RASSF3: variants seen among roughly 807,000 people sequenced by gnomAD.
RASSF3 encodes the protein Ras association domain family member 3, also known as ras association domain-containing protein 3.
A neutral mutation model predicts 19.9 loss-of-function variants in RASSF3; 19 were observed. That is an observed-to-expected ratio of 0.96 (90% CI 0.67 to 1.40). The LOEUF (loss-of-function observed/expected upper bound fraction) is 1.40, where lower values mean the gene tolerates loss of function less well. RASSF3 is among the 40% of genes most tolerant of loss of function. The pLI, the probability that RASSF3 is intolerant of heterozygous loss-of-function variation, is 0.00. For missense variants in RASSF3, 306 were observed against 289.8 expected, an observed-to-expected ratio of 1.06 and a Z score of -0.41; for synonymous variants, 110 against 104.2, an observed-to-expected ratio of 1.06 and a Z score of -0.34.
At chr12:64,532,447 G>T (rs184596121), upstream of RASSF3, among the ~76,000 whole-genome samples, 1 of 152,102 alleles carries the variant, frequency 6.6e-6, no homozygotes. Flanking sequence ...AAGAAACATC[G>T]AGAGATTCTT....
At position 64,593,315 on chromosome 12, in the gene RASSF3, G is replaced by C. The variant is rs1258484209; in HGVS notation, c.294+51610G>C. ...CAGCTCACTGCAACCTCCGCTTCTGGGGTTCAAGCAATTCTCCTGCCTCAG... is the reference window on the plus strand; with the variant it reads ...CAGCTCACTGCAACCTCCGCTTCTGCGGTTCAAGCAATTCTCCTGCCTCAG... On this transcript the variant is annotated intron_variant, in intron 2 of 5. Transcript: ENST00000637125. 2.6e-5 allele frequency among the ~76,000 whole-genome samples: 4 copies of C among 152,178 alleles called. No homozygotes were observed. In the East Asian group the frequency reaches 7.7e-4, roughly 29 times the overall value.
chr12:64,573,157 A>T (rs942872996), intron 2 of RASSF3, among the ~76,000 whole-genome samples: 1 of 152,030 alleles, frequency 6.6e-6, no homozygotes, highest in Non-Finnish European at 1.5e-5. Context: ...TGAGCAACTT[A>T]GTGAGACCCA....
chr12:64,678,369 T>G (rs377040703), intron 1 of RASSF3, among the ~76,000 whole-genome samples: 5 of 152,212 alleles, frequency 3.3e-5, no homozygotes, highest in African/African-American at 1.2e-4. Flanking sequence ...TAGCCTCACT[T>G]GGAGAAAGCA....
At chr12:64,598,339 T>C (rs1870030003) in intron 2 of RASSF3, among the ~76,000 whole-genome samples, 1 of 152,216 alleles carries the variant, frequency 6.6e-6, no homozygotes, top group South Asian at 2.1e-4. Context: ...TGGGGAATAT[T>C]TTTTTCGTTA....
chr12:64,525,416 G>C (rs1169478009), intron 1 of RASSF3, among the ~76,000 whole-genome samples: 1 of 152,202 alleles, frequency 6.6e-6, no homozygotes, highest in East Asian at 1.9e-4. Flanking sequence ...CTAGAAGACT[G>C]CTTCCTTCTT....
Position 64,565,868 on chromosome 12 carries a change from GCGA to G in RASSF3, c.294+24164_294+24166del, listed in dbSNP as rs559084587. On this transcript the variant is annotated intron_variant, in intron 2 of 5. Transcript: ENST00000637125. ...ACTGCCCTCCAGCCTGGGCAACCGA[GCGA>G]GACTTCGTCTCAGAAAAAAAAAAAA... Among the ~76,000 whole-genome samples, 280 of 147,802 alleles carry G rather than the reference GCGA, an allele frequency of 1.9e-3. 1 individual carries two copies. Among genetic ancestry groups the G allele is most frequent in the African/African-American group, 6.7e-3 (269 of 40,194 alleles).
chr12:64,560,105 G>A (rs939534800), intron 2 of RASSF3, among the ~76,000 whole-genome samples: 3 of 152,218 alleles, frequency 2.0e-5, no homozygotes, highest in African/African-American at 7.2e-5. Context: ...GGCCAGCCCG[G>A]CAGACCTGGA....
chr12:64,679,976 A>C (rs1873060502), intron 1 of RASSF3, among the ~76,000 whole-genome samples: 1 of 152,116 alleles, frequency 6.6e-6, no homozygotes, highest in African/African-American at 2.4e-5. Context: ...CAGGGTTGAC[A>C]CTTGGTATTG....
intron 2 of RASSF3, among the ~76,000 whole-genome samples, chr12:64,604,477 G>A (rs1870150423): frequency 6.6e-6 from 1 of 151,730 alleles, no homozygotes; most frequent in African/African-American, 2.4e-5. Context: ...TTGCCTTTCA[G>A]TTATTATACC....
chr12:64,544,150 A>G (rs952589526), downstream of RASSF3, among the ~76,000 whole-genome samples: 14 of 152,224 alleles, frequency 9.2e-5, no homozygotes, highest in African/African-American at 3.1e-4. Flanking sequence ...TTTGGGTCAC[A>G]CTGCGTTTAT....
chr12:64,552,291 C>T (rs1869177660), intron 2 of RASSF3, among the ~76,000 whole-genome samples: 1 of 148,716 alleles, frequency 6.7e-6, no homozygotes, highest in Non-Finnish European at 1.5e-5. Flanking sequence ...GGTTCCACTG[C>T]CCTTATTTTC....
At chr12:64,514,867 C>T (rs1182728304) in intron 1 of RASSF3, among the ~76,000 whole-genome samples, 1 of 152,162 alleles carries the variant, frequency 6.6e-6, no homozygotes, top group East Asian at 1.9e-4. Context: ...ATCTGATGAA[C>T]AGTAGGAAAG....
intron 2 of RASSF3, among the ~76,000 whole-genome samples, chr12:64,602,174 C>T (rs562949061): frequency 2.6e-5 from 4 of 151,250 alleles, no homozygotes; most frequent in South Asian, 2.1e-4. Context: ...TGGTGGCTCA[C>T]GTCTACAATC....
At chr12:64,646,869 G>A (rs1168120193) in intron 1 of RASSF3, among the ~76,000 whole-genome samples, 1 of 152,122 alleles carries the variant, frequency 6.6e-6, no homozygotes, top group Non-Finnish European at 1.5e-5. Flanking sequence ...TCTGGGTCAG[G>A]CTCTGTGAGA....
At chr12:64,569,500 C>T (rs796411669) in intron 2 of RASSF3, among the ~76,000 whole-genome samples, 4 of 152,332 alleles carry the variant, frequency 2.6e-5, no homozygotes, top group African/African-American at 9.6e-5. Context: ...TGAGTTACAA[C>T]CAGTTCCTCC....
At chr12:64,618,940 A>C (rs1870647818) in intron 1 of RASSF3, among the ~76,000 whole-genome samples, 1 of 152,224 alleles carries the variant, frequency 6.6e-6, no homozygotes, top group Non-Finnish European at 1.5e-5. Flanking sequence ...AAAAAAAAGA[A>C]AGAATGTAAA....
At chr12:64,547,681 A>G (rs1457279463) in intron 2 of RASSF3, among the ~76,000 whole-genome samples, 1 of 152,258 alleles carries the variant, frequency 6.6e-6, no homozygotes, top group Non-Finnish European at 1.5e-5. Flanking sequence ...TTAGAGTTTG[A>G]TGAAAGCTGG....
rs143167429 is a variant in RASSF3, at chr12:64,583,355, C to G, written c.294+41650C>G. ...TTTCATACAAAAGCAAAGTCAGTGG[C>G]TCACGCCTGTAATCCCAGCACTTTG... is the stretch of plus-strand genomic sequence containing the variant. On this transcript the variant is annotated intron_variant, in intron 2 of 5. Transcript: ENST00000637125. Among the ~76,000 whole-genome samples the G allele has an allele frequency of 5.7e-3, 862 of 152,314 alleles. 12 individuals carry two copies. Among genetic ancestry groups the G allele is most frequent in the Non-Finnish European group, 6.6e-3 (447 of 68,016 alleles).
At chr12:64,656,458 T>TA (rs1410430897) in intron 1 of RASSF3, among the ~76,000 whole-genome samples, 1 of 152,160 alleles carries the variant, frequency 6.6e-6, no homozygotes, top group African/African-American at 2.4e-5. Flanking sequence ...CAGTGATGCT[T>TA]AAAAAATGCT....
Sources: gnomAD v4.1 joint callset for allele counts (sites outside exome capture counted in the v4.1 genomes callset) on GRCh38, gnomAD v4.1.1 for gene constraint, MANE v1.5 for transcripts, NCBI Gene and HGNC (gene_info 2026-07-23, HGNC 2026-07-21) for gene names.